The following PDE7B variants were observed in gnomAD, a reference collection of about 807,000 sequenced individuals.
PDE7B encodes the protein phosphodiesterase 7B, also known as 3',5'-cyclic-AMP phosphodiesterase 7B.
In PDE7B, 29 loss-of-function variants were observed where a neutral mutation model predicts 56.2. The ratio of observed to expected loss-of-function variants is 0.52; its 90% confidence interval spans 0.38 to 0.70. The LOEUF (loss-of-function observed/expected upper bound fraction) is 0.70, where lower values mean the gene tolerates loss of function less well. Ranked by LOEUF, PDE7B falls within the 30% of genes least tolerant of loss-of-function variation. The pLI, the probability that PDE7B is intolerant of heterozygous loss-of-function variation, is 0.00. For synonymous variants in PDE7B, 197 were observed against 196.9 expected, an observed-to-expected ratio of 1.00 and a Z score of 0.00; for missense variants, 490 against 565.0, an observed-to-expected ratio of 0.87 and a Z score of 1.35.
chr6:135,879,485 T>C (rs1775564724), intron 1 of PDE7B, among the ~76,000 whole-genome samples: 1 of 152,022 alleles, frequency 6.6e-6, no homozygotes, highest in Admixed American at 6.6e-5. Flanking sequence ...GCAAAAACAG[T>C]GCCACTTCAT....
At chr6:136,004,871 AC>A (rs1429165090) in intron 2 of PDE7B, among the ~76,000 whole-genome samples, 8 of 152,030 alleles carry the variant, frequency 5.3e-5, no homozygotes, top group African/African-American at 1.9e-4. Flanking sequence ...TTCATATGGA[AC>A]CAAAAAAGAG....
chr6:136,186,505 A>G (rs1779147949), intron 11 of PDE7B, among the ~76,000 whole-genome samples: 1 of 152,254 alleles, frequency 6.6e-6, no homozygotes, highest in East Asian at 1.9e-4. Flanking sequence ...ATTCTAAGGA[A>G]TCAGAATGGG....
intron 12 of PDE7B, among the ~76,000 whole-genome samples, chr6:136,189,058 G>A (rs1211492754): frequency 1.3e-5 from 2 of 152,202 alleles, no homozygotes; most frequent in East Asian, 1.9e-4. Flanking sequence ...CTTCAGTAAT[G>A]CAGCTATTTC....
In PDE7B at chr6:136,193,697, A is replaced by G. The variant is rs1490399279; in HGVS notation, c.*1857A>G. 1 of 152,222 alleles carries G rather than the reference A, an allele frequency of 6.6e-6. No homozygotes were observed. The highest frequency in any genetic ancestry group is 2.4e-5 in the African/African-American group (1 of 41,462). 9.4% of individuals were successfully genotyped at this position (152,222 alleles called of 1,614,324 possible). ...TCCTCATGCTGATAGAATGACAGCTAGCACTTATTTCCTAAGTGCAACTGT... is the reference window on the plus strand; with the variant it reads ...TCCTCATGCTGATAGAATGACAGCTGGCACTTATTTCCTAAGTGCAACTGT... On this transcript the variant is annotated 3_prime_UTR_variant, in exon 13 of 13. Transcript: ENST00000308191.
intron 2 of PDE7B, among the ~76,000 whole-genome samples, chr6:135,964,586 T>C (rs1310827995): frequency 6.6e-6 from 1 of 152,188 alleles, no homozygotes; most frequent in Non-Finnish European, 1.5e-5. Flanking sequence ...AAAAAGTTGA[T>C]TTGTATAATA....
At chr6:135,976,385 T>C (rs1775188385) in intron 2 of PDE7B, among the ~76,000 whole-genome samples, 1 of 152,134 alleles carries the variant, frequency 6.6e-6, no homozygotes, top group South Asian at 2.1e-4. Flanking sequence ...GGGTCAATTG[T>C]ACTGTTTCCC....
intron 1 of PDE7B, among the ~76,000 whole-genome samples, chr6:135,885,752 T>C (rs1197203908): frequency 1.3e-5 from 2 of 152,194 alleles, no homozygotes; most frequent in Non-Finnish European, 2.9e-5. Context: ...GTAATGATCA[T>C]ATGTGATGAC....
chr6:135,886,094 C>T (rs1031091309), intron 1 of PDE7B, among the ~76,000 whole-genome samples: 1 of 152,142 alleles, frequency 6.6e-6, no homozygotes, highest in Non-Finnish European at 1.5e-5. Flanking sequence ...AATGGCCTTG[C>T]TTCAATCAGG....
intron 2 of PDE7B, among the ~76,000 whole-genome samples, chr6:136,020,231 C>T (rs374564134): frequency 1.3e-5 from 2 of 152,080 alleles, no homozygotes; most frequent in Non-Finnish European, 1.5e-5. Flanking sequence ...GGATGTTTCT[C>T]GTGGACGAGG....
rs769201805 is a variant in PDE7B at position 135,852,025 on chromosome 6, TACA to T, written c.21+11_21+13del. 229 of 1,601,778 alleles carry T rather than the reference TACA, an allele frequency of 1.4e-4. 3 individuals carry two copies. The highest frequency in any genetic ancestry group is 1.4e-3 in the South Asian group (129 of 90,826). ...TGTCTTGTTTAATGGTTGAGGTATG[TACA>T]ACAAATTTAAGCGGCAAGCTCAGTT... On this transcript the variant is annotated splice_region_variant and intron_variant, in intron 1 of 12. Transcript: ENST00000308191.
chr6:136,093,741 G>A (rs1583877104), intron 2 of PDE7B, among the ~76,000 whole-genome samples: 1 of 152,298 alleles, frequency 6.6e-6, no homozygotes, highest in South Asian at 2.1e-4. Flanking sequence ...CAAGTGGAAT[G>A]GGAAATGCAA....
chr6:135,969,658 C>T (rs757614330), intron 2 of PDE7B, among the ~76,000 whole-genome samples: 1 of 152,110 alleles, frequency 6.6e-6, no homozygotes, highest in Non-Finnish European at 1.5e-5. Context: ...AATCCCAAAA[C>T]TATAAAAACC....
chr6:136,127,019 T>C (rs1314992767), intron 3 of PDE7B, among the ~76,000 whole-genome samples: 2 of 152,182 alleles, frequency 1.3e-5, no homozygotes, highest in African/African-American at 4.8e-5. Flanking sequence ...ATACCTACTA[T>C]GTACCCACAA....
intron 1 of PDE7B, among the ~76,000 whole-genome samples, chr6:135,897,108 C>G (rs1043400535): frequency 3.3e-5 from 5 of 152,134 alleles, no homozygotes; most frequent in African/African-American, 1.2e-4. Flanking sequence ...GGTGTGTTCC[C>G]ACCTACACAG....
intron 1 of PDE7B, among the ~76,000 whole-genome samples, chr6:135,866,583 A>C (rs928210823): frequency 6.6e-6 from 1 of 152,190 alleles, no homozygotes; most frequent in African/African-American, 2.4e-5. Flanking sequence ...ATTTTCCATC[A>C]AATATATTTG....
chr6:135,988,846 A>C (rs1015504447), intron 2 of PDE7B, among the ~76,000 whole-genome samples: 3 of 152,210 alleles, frequency 2.0e-5, no homozygotes, highest in African/African-American at 7.2e-5. Flanking sequence ...TTTTATAGAA[A>C]AGACAGACTG....
At chr6:136,188,588 T>C (rs1348641320) in intron 12 of PDE7B, among the ~76,000 whole-genome samples, 1 of 152,208 alleles carries the variant, frequency 6.6e-6, no homozygotes, top group Non-Finnish European at 1.5e-5. Flanking sequence ...CAGGCAACTG[T>C]CAATGACATT....
chr6:136,120,580 G>T (rs779161781), intron 3 of PDE7B, among the ~76,000 whole-genome samples: 1 of 152,178 alleles, frequency 6.6e-6, no homozygotes, highest in Non-Finnish European at 1.5e-5. Context: ...AACGCAGGGG[G>T]TTTGGTAGGT....
At chr6:136,041,909 A>G (rs899468741) in intron 2 of PDE7B, among the ~76,000 whole-genome samples, 1 of 152,148 alleles carries the variant, frequency 6.6e-6, no homozygotes, top group Non-Finnish European at 1.5e-5. Context: ...CGATTGCCCA[A>G]CTCTGGTCCA....
Sources: allele counts gnomAD v4.1 joint callset (sites outside exome capture counted in the v4.1 genomes callset), GRCh38; gene constraint gnomAD v4.1.1; transcripts MANE v1.5; gene names NCBI Gene and HGNC (gene_info 2026-07-23, HGNC 2026-07-21).